NXPH2: variants seen among roughly 807,000 people sequenced by gnomAD.
NXPH2 encodes neurexophilin-2.
Under a neutral mutation model 19.8 loss-of-function variants are expected in NXPH2, and 5 were observed. The observed-to-expected ratio is 0.25, with a 90% CI of 0.13 to 0.53. The LOEUF (loss-of-function observed/expected upper bound fraction) is 0.53. Ranked by LOEUF, NXPH2 falls within the 20% of genes least tolerant of loss-of-function variation. The pLI is 0.96. For synonymous variants in NXPH2, 154 were observed against 127.4 expected (o/e 1.21, Z -1.41); for missense variants, 289 against 322.8 (o/e 0.90, Z 0.80).
intron 1 of NXPH2, among the ~76,000 whole-genome samples, chr2:138,776,031 G>T (rs1166237124): frequency 6.6e-6 from 1 of 152,068 alleles, no homozygotes; most frequent in Non-Finnish European, 1.5e-5. Flanking sequence ...AACGGTAAGA[G>T]ACAGTCTAGA....
intron 1 of NXPH2, among the ~76,000 whole-genome samples, chr2:138,711,021 C>T (rs879020357): frequency 3.9e-5 from 6 of 152,086 alleles, no homozygotes; most frequent in East Asian, 1.9e-4. Flanking sequence ...AGGGGAGATG[C>T]TCCTTTTGAC....
chr2:138,719,475 A>G (rs1681243574), intron 1 of NXPH2, among the ~76,000 whole-genome samples: 1 of 152,200 alleles, frequency 6.6e-6, no homozygotes, highest in Non-Finnish European at 1.5e-5. Flanking sequence ...TGTAAATATT[A>G]CTTTTAAATA....
intron 1 of NXPH2, among the ~76,000 whole-genome samples, chr2:138,691,462 T>A (rs1680745884): frequency 6.6e-6 from 1 of 152,200 alleles, no homozygotes; most frequent in African/African-American, 2.4e-5. Context: ...TCAGCATGTG[T>A]GAATGATTCT....
chr2:138,724,195 G>A (rs1468709625), intron 1 of NXPH2, among the ~76,000 whole-genome samples: 1 of 152,128 alleles, frequency 6.6e-6, no homozygotes, highest in African/African-American at 2.4e-5. Flanking sequence ...TGTGGTATTT[G>A]GTTTTCTGTT....
At chr2:138,767,454 A>AT (rs757396025) in intron 1 of NXPH2, among the ~76,000 whole-genome samples, 114 of 151,980 alleles carry the variant, frequency 7.5e-4, no homozygotes, top group Non-Finnish European at 1.3e-3. Flanking sequence ...CCCAAATACC[A>AT]TTTTTTTTAT....
chr2:138,778,656 T>TC (rs1243983690), intron 1 of NXPH2, among the ~76,000 whole-genome samples: 2 of 152,190 alleles, frequency 1.3e-5, no homozygotes, highest in African/African-American at 4.8e-5. Context: ...ACACCTGATT[T>TC]CCCCAGGCTT....
At chr2:138,745,908 T>C (rs1336600057) in intron 1 of NXPH2, among the ~76,000 whole-genome samples, 1 of 152,194 alleles carries the variant, frequency 6.6e-6, no homozygotes, top group African/African-American at 2.4e-5. Flanking sequence ...AAATACAAAA[T>C]AATTAAAGAG....
chr2:138,736,107 G>A (rs978077669), intron 1 of NXPH2, among the ~76,000 whole-genome samples: 2 of 152,198 alleles, frequency 1.3e-5, no homozygotes, highest in African/African-American at 4.8e-5. Context: ...GGTGCACAGT[G>A]CAAGCTGCCA....
At chr2:138,691,767 G>T (rs13413759) in intron 1 of NXPH2, among the ~76,000 whole-genome samples, 1 of 151,936 alleles carries the variant, frequency 6.6e-6, no homozygotes, top group Non-Finnish European at 1.5e-5. Flanking sequence ...TCCCTTCCAA[G>T]GACCCAAGTA....
chr2:138,709,238 G>C (rs527752647), intron 1 of NXPH2, among the ~76,000 whole-genome samples: 2 of 152,150 alleles, frequency 1.3e-5, no homozygotes, highest in African/African-American at 4.8e-5. Context: ...CTGCCCAGGG[G>C]AGGCTCACAC....
chr2:138,756,782 G>A (rs1283593210), intron 1 of NXPH2, among the ~76,000 whole-genome samples: 1 of 152,114 alleles, frequency 6.6e-6, no homozygotes, highest in African/African-American at 2.4e-5. Flanking sequence ...TATCTGACAG[G>A]GGAATCAAAG....
At chr2:138,759,986 C>T (rs1681984262) in intron 1 of NXPH2, among the ~76,000 whole-genome samples, 1 of 152,140 alleles carries the variant, frequency 6.6e-6, no homozygotes, top group Admixed American at 6.5e-5. Flanking sequence ...GCCTCGGCCT[C>T]CCAAAGTGCT....
At chr2:138,713,895 A>G (rs985786554) in intron 1 of NXPH2, among the ~76,000 whole-genome samples, 16 of 152,260 alleles carry the variant, frequency 1.1e-4, no homozygotes, top group Non-Finnish European at 2.2e-4. Context: ...CTTGCTAGAT[A>G]AATATTAGTT....
At chr2:138,709,295 C>T (rs578074444) in intron 1 of NXPH2, among the ~76,000 whole-genome samples, 6 of 152,252 alleles carry the variant, frequency 3.9e-5, no homozygotes, top group African/African-American at 1.4e-4. Flanking sequence ...TTCACAGTTT[C>T]TCTTTTTATA....
intron 1 of NXPH2, among the ~76,000 whole-genome samples, chr2:138,679,733 A>G (rs1416004188): frequency 6.6e-6 from 1 of 152,170 alleles, no homozygotes; most frequent in African/African-American, 2.4e-5. Context: ...TGACTCAGCA[A>G]GAAGAGACTA....
chr2:138,735,905 A>G (rs1681531436), intron 1 of NXPH2, among the ~76,000 whole-genome samples: 1 of 152,252 alleles, frequency 6.6e-6, no homozygotes, highest in Admixed American at 6.5e-5. Context: ...ATGCAAGTCC[A>G]AAATCCAGCA....
intron 1 of NXPH2, among the ~76,000 whole-genome samples, chr2:138,720,182 G>A (rs999043603): frequency 6.6e-6 from 1 of 151,696 alleles, no homozygotes; most frequent in African/African-American, 2.4e-5. Context: ...TAGATCAGCA[G>A]AGGTCAATCG....
intron 1 of NXPH2, among the ~76,000 whole-genome samples, chr2:138,748,856 C>T (rs976427574): frequency 1.8e-4 from 28 of 152,074 alleles, no homozygotes; most frequent in African/African-American, 6.5e-4. Flanking sequence ...TAAAATTATG[C>T]ATTGTGATCA....
chr2:138,760,984 C>T (rs554668241), intron 1 of NXPH2, among the ~76,000 whole-genome samples: 1 of 152,256 alleles, frequency 6.6e-6, no homozygotes, highest in African/African-American at 2.4e-5. Flanking sequence ...CAAGAGCAGG[C>T]ACCTGATTAA....
Sources: allele counts gnomAD v4.1 joint callset (sites outside exome capture counted in the v4.1 genomes callset), GRCh38; gene constraint gnomAD v4.1.1; transcripts MANE v1.5; gene names NCBI Gene and HGNC (gene_info 2026-07-23, HGNC 2026-07-21).